B3GLCT: variants seen among roughly 807,000 people sequenced by gnomAD.
The protein encoded by B3GLCT is beta 3-glucosyltransferase, also known as beta-1,3-glucosyltransferase.
A neutral mutation model predicts 63.4 loss-of-function variants in B3GLCT; 65 were observed. That is an observed-to-expected ratio of 1.03 (90% CI 0.84 to 1.26). The LOEUF (loss-of-function observed/expected upper bound fraction) is 1.26. B3GLCT is among the 50% of genes most tolerant of loss of function. The pLI is 0.00. For missense variants in B3GLCT, 577 were observed against 604.8 expected (o/e 0.95, Z 0.48); for synonymous variants, 233 against 219.2 (o/e 1.06, Z -0.55).
intron 12 of B3GLCT, among the ~76,000 whole-genome samples, chr13:31,312,095 T>G (rs987971830): frequency 1.3e-5 from 2 of 152,174 alleles, no homozygotes; most frequent in African/African-American, 2.4e-5. Context: ...AAATGCCGGG[T>G]GCTTATCACA....
intron 4 of B3GLCT, among the ~76,000 whole-genome samples, chr13:31,243,323 A>G (rs1321765485): frequency 6.6e-6 from 1 of 152,228 alleles, no homozygotes; most frequent in East Asian, 1.9e-4. Flanking sequence ...ATACTGGCAA[A>G]TAGTCTGTTG....
intron 13 of B3GLCT, among the ~76,000 whole-genome samples, chr13:31,322,687 C>T (rs925752389): frequency 2.0e-5 from 3 of 152,004 alleles, no homozygotes; most frequent in South Asian, 2.1e-4. Flanking sequence ...TTCATGCTCA[C>T]GTTTCATCTT....
intron 6 of B3GLCT, among the ~76,000 whole-genome samples, chr13:31,250,423 C>T (rs1871374958): frequency 6.6e-6 from 1 of 152,230 alleles, no homozygotes; most frequent in Admixed American, 6.5e-5. Flanking sequence ...ATCTGCCTGC[C>T]TCGGCCTCCC....
At chr13:31,239,684 C>CTTT (rs59239925) in intron 4 of B3GLCT, among the ~76,000 whole-genome samples, 10 of 140,788 alleles carry the variant, frequency 7.1e-5, no homozygotes, top group East Asian at 4.1e-4. Flanking sequence ...TCACCTGAGT[C>CTTT]TTTTTTTTTT....
chr13:31,259,916 T>A (rs1566067606), intron 6 of B3GLCT, among the ~76,000 whole-genome samples: 1 of 152,172 alleles, frequency 6.6e-6, no homozygotes, highest in African/African-American at 2.4e-5. Context: ...TTCAATCATT[T>A]GCTTTGTGTA....
chr13:31,247,304 CAG>C (rs1452297763), intron 5 of B3GLCT, among the ~76,000 whole-genome samples: 2 of 151,716 alleles, frequency 1.3e-5, no homozygotes, highest in East Asian at 1.9e-4. Flanking sequence ...TTTTTGGAGA[CAG>C]AGTCTCGCTC....
chr13:31,247,821 G>T (rs775363299), intron 5 of B3GLCT, 34 bp from the exon 6 acceptor site: 82 of 1,091,216 alleles, frequency 7.5e-5, no homozygotes, highest in Non-Finnish European at 1.0e-4. Context: ...TTATTTTACA[G>T]AAGTGATTAC....
At chr13:31,241,217 C>A (rs1870923496) in intron 4 of B3GLCT, among the ~76,000 whole-genome samples, 1 of 152,246 alleles carries the variant, frequency 6.6e-6, no homozygotes. Context: ...GGAGCTGGGG[C>A]TCAGCCCATT....
Position 31,328,692 on chromosome 13 carries a change from C to CAAAAAA in B3GLCT, c.1330-789_1330-784dup, listed in dbSNP as rs34729471. Among the ~76,000 whole-genome samples, 58 of 45,380 alleles carry CAAAAAA rather than the reference C, an allele frequency of 1.3e-3. 6 individuals carry two copies. The highest frequency in any genetic ancestry group is 1.7e-3 in the South Asian group (1 of 598). The allele number at this position is 45,380 out of a possible 152,430, so 29.8% of individuals were successfully genotyped here. ...TGGGCAGCAGAGTGAAACTCCATCTCAAAAAAAAAAAAAAAAAAAAAAAAA... is the reference window on the plus strand; with the variant it reads ...TGGGCAGCAGAGTGAAACTCCATCTCAAAAAAAAAAAAAAAAAAAAAAAAAAAAAAA... On this transcript the variant is annotated intron_variant, in intron 14 of 14. Transcript: ENST00000343307.
intron 12 of B3GLCT, among the ~76,000 whole-genome samples, chr13:31,289,344 A>T (rs1386474045): frequency 9.2e-5 from 14 of 152,198 alleles, no homozygotes; most frequent in African/African-American, 3.1e-4. Flanking sequence ...TAATTGATGA[A>T]AATGTCCCAA....
At chr13:31,276,638 T>C in intron 9 of B3GLCT, 64 bp from the exon 10 acceptor site, 1 of 977,418 alleles carries the variant, frequency 1.0e-6, no homozygotes, top group Non-Finnish European at 1.6e-6. Context: ...GTGTGAGATC[T>C]AGTGTGGGTG....
chr13:31,260,726 G>T (rs1871983467), intron 6 of B3GLCT, among the ~76,000 whole-genome samples: 1 of 152,110 alleles, frequency 6.6e-6, no homozygotes, highest in African/African-American at 2.4e-5. Flanking sequence ...TCATCTTGAT[G>T]ATCAGATCTT....
chr13:31,275,438 TG>T (rs1172964757), intron 9 of B3GLCT, among the ~76,000 whole-genome samples: 1 of 152,178 alleles, frequency 6.6e-6, no homozygotes, highest in Non-Finnish European at 1.5e-5. Context: ...TTGTTGATGA[TG>T]TAGGATGCAT....
intron 2 of B3GLCT, among the ~76,000 whole-genome samples, chr13:31,219,444 A>G (rs1381318854): frequency 6.6e-6 from 1 of 152,176 alleles, no homozygotes; most frequent in East Asian, 1.9e-4. Context: ...TTTGGCAATA[A>G]TGAGGATCAT....
intron 10 of B3GLCT, among the ~76,000 whole-genome samples, chr13:31,280,231 A>G (rs1399260385): frequency 2.0e-5 from 3 of 152,202 alleles, no homozygotes; most frequent in African/African-American, 4.8e-5. Context: ...AATCTTTACA[A>G]TTTATGTTCA....
At chr13:31,220,063 G>A (rs1004731677) in intron 2 of B3GLCT, among the ~76,000 whole-genome samples, 1 of 152,154 alleles carries the variant, frequency 6.6e-6, no homozygotes, top group African/African-American at 2.4e-5. Context: ...GGTGGTGCAG[G>A]CAGAATTAGA....
intron 2 of B3GLCT, among the ~76,000 whole-genome samples, chr13:31,217,539 C>T (rs11617211): frequency 6.6e-6 from 1 of 152,114 alleles, no homozygotes; most frequent in South Asian, 2.1e-4. Context: ...GATGGTATTT[C>T]CTATGTTTTC....
chr13:31,260,908 T>G (rs758747524), intron 6 of B3GLCT, 38 bp from the exon 7 acceptor site: 1 of 1,593,842 alleles, frequency 6.3e-7, no homozygotes, highest in East Asian at 2.2e-5. Flanking sequence ...CATGAAATGA[T>G]TGTTTTTAAA....
chr13:31,244,859 A>C (rs747706353), intron 4 of B3GLCT, among the ~76,000 whole-genome samples: 8 of 152,190 alleles, frequency 5.3e-5, no homozygotes, highest in African/African-American at 1.9e-4. Context: ...CTTAATCAAG[A>C]GTTAATCAAG....
Sources: gnomAD v4.1 joint callset for allele counts (sites outside exome capture counted in the v4.1 genomes callset) on GRCh38, gnomAD v4.1.1 for gene constraint, MANE v1.5 for transcripts, NCBI Gene and HGNC (gene_info 2026-07-23, HGNC 2026-07-21) for gene names.